CTNNA2: variants seen among roughly 807,000 people sequenced by gnomAD.
The protein encoded by CTNNA2 is catenin alpha 2, also known as catenin alpha-2.
CTNNA2 carries 42 observed loss-of-function variants against 101.0 expected under a neutral mutation model. The observed-to-expected ratio is 0.42, with a 90% confidence interval of 0.32 to 0.54. The LOEUF is 0.54. Among genes scored for constraint, CTNNA2 ranks in the 20% least tolerant of loss-of-function variants. CTNNA2 has a pLI of 0.14. For missense variants in CTNNA2, 871 were observed against 1,223.1 expected (o/e 0.71, Z 4.29); for synonymous variants, 450 against 456.4 (o/e 0.99, Z 0.18).
intron 3 of CTNNA2, among the ~76,000 whole-genome samples, chr2:79,830,785 G>T (rs149077898): frequency 1.3e-5 from 2 of 152,168 alleles, no homozygotes; most frequent in African/African-American, 4.8e-5. Flanking sequence ...AATGCAACCT[G>T]CCCAGGTTCA....
chr2:80,636,777 CTAGTAGAGCCACCTTGACTCTCTATT>C (rs1167424025), intron 18 of CTNNA2, among the ~76,000 whole-genome samples: 1 of 152,096 alleles, frequency 6.6e-6, no homozygotes, highest in African/African-American at 2.4e-5. Flanking sequence ...CCTACACCTT[CTAGTAGAGCCACCTTGACTCTCTATT>C]ATCAATATTC....
intron 1 of CTNNA2, among the ~76,000 whole-genome samples, chr2:79,602,738 A>C (rs771138801): frequency 9.9e-5 from 15 of 152,180 alleles, no homozygotes; most frequent in Non-Finnish European, 2.1e-4. Flanking sequence ...TAAACCTCTG[A>C]ATAGAGCTAG....
intron 7 of CTNNA2, among the ~76,000 whole-genome samples, chr2:80,078,298 A>G (rs1015678040): frequency 1.3e-5 from 2 of 152,068 alleles, no homozygotes; most frequent in African/African-American, 4.8e-5. Context: ...AGTGCAGGGG[A>G]CCATGGGTGT....
At chr2:80,258,937 T>C (rs1672384601) in intron 7 of CTNNA2, among the ~76,000 whole-genome samples, 1 of 152,102 alleles carries the variant, frequency 6.6e-6, no homozygotes, top group Admixed American at 6.6e-5. Flanking sequence ...TATGATTAAG[T>C]CTACTTCTAC....
chr2:80,531,641 C>A (rs1690552964), intron 9 of CTNNA2, among the ~76,000 whole-genome samples: 1 of 152,166 alleles, frequency 6.6e-6, no homozygotes, highest in African/African-American at 2.4e-5. Context: ...TGCTCCATGC[C>A]TATCTCCTCC....
chr2:79,901,908 T>C (rs1408258745), intron 6 of CTNNA2, among the ~76,000 whole-genome samples: 1 of 152,202 alleles, frequency 6.6e-6, no homozygotes, highest in Non-Finnish European at 1.5e-5. Flanking sequence ...TGAGTACAAT[T>C]AGATACAAAC....
chr2:80,521,463 T>C (rs181533751), intron 9 of CTNNA2, among the ~76,000 whole-genome samples: 9 of 152,256 alleles, frequency 5.9e-5, no homozygotes, highest in Non-Finnish European at 1.5e-5. Flanking sequence ...GGAATTAAGG[T>C]TGCAAATGGA....
chr2:79,857,694 C>A (rs1048028439), intron 3 of CTNNA2, among the ~76,000 whole-genome samples: 1 of 152,118 alleles, frequency 6.6e-6, no homozygotes. Flanking sequence ...AAGGCAAATG[C>A]AGAGAGAGGA....
chr2:80,333,625 TTC>T (rs1431401376), intron 7 of CTNNA2, among the ~76,000 whole-genome samples: 1 of 152,110 alleles, frequency 6.6e-6, no homozygotes, highest in Non-Finnish European at 1.5e-5. Context: ...CTTTTTTTTC[TTC>T]TTTTTTCTGG....
chr2:79,339,423 A>G (rs1677080052), intron 3 of CTNNA2, among the ~76,000 whole-genome samples: 1 of 152,228 alleles, frequency 6.6e-6, no homozygotes. Context: ...CCTGATATAC[A>G]TATTAAGGGA....
chr2:80,557,779 G>A (rs140597741), intron 12 of CTNNA2, among the ~76,000 whole-genome samples: 30 of 152,272 alleles, frequency 2.0e-4, no homozygotes, highest in African/African-American at 7.0e-4. Flanking sequence ...CAATTGCTTA[G>A]TTGATTGTAA....
At chr2:79,236,299 A>G (rs1250871841) in intron 2 of CTNNA2, among the ~76,000 whole-genome samples, 2 of 152,098 alleles carry the variant, frequency 1.3e-5, no homozygotes, top group African/African-American at 4.8e-5. Flanking sequence ...ATGTTTGACT[A>G]TTCTTTTTAA....
chr2:79,846,081 A>C (rs906220054), intron 3 of CTNNA2, among the ~76,000 whole-genome samples: 14 of 152,210 alleles, frequency 9.2e-5, no homozygotes, highest in Admixed American at 8.5e-4. Flanking sequence ...AGTGAGGAAA[A>C]TCAGTTTTCC....
intron 7 of CTNNA2, among the ~76,000 whole-genome samples, chr2:80,307,414 A>G (rs1275343627): frequency 6.6e-6 from 1 of 152,136 alleles, no homozygotes; most frequent in South Asian, 2.1e-4. Flanking sequence ...GCAAGTCGAT[A>G]TGGCTGTTTT....
intron 9 of CTNNA2, among the ~76,000 whole-genome samples, chr2:80,485,591 A>G (rs967238187): frequency 3.3e-5 from 5 of 152,218 alleles, no homozygotes; most frequent in Admixed American, 1.3e-4. Context: ...GACAAAATCC[A>G]TATGTGTTTC....
At chr2:79,802,722 C>A (rs1676265012) in intron 3 of CTNNA2, among the ~76,000 whole-genome samples, 1 of 152,238 alleles carries the variant, frequency 6.6e-6, no homozygotes, top group Non-Finnish European at 1.5e-5. Context: ...GCATGAAATG[C>A]AGATTGACTG....
chr2:79,378,412 G>T (rs1025077814), intron 4 of CTNNA2, among the ~76,000 whole-genome samples: 4 of 152,072 alleles, frequency 2.6e-5, no homozygotes, highest in Non-Finnish European at 5.9e-5. Context: ...CTCTAGTTTT[G>T]TTTATTTGTT....
intron 3 of CTNNA2, among the ~76,000 whole-genome samples, chr2:79,765,232 C>T (rs1055165984): frequency 4.6e-5 from 7 of 151,952 alleles, no homozygotes; most frequent in Non-Finnish European, 8.8e-5. Context: ...ATTTGTTGAC[C>T]GTGGTTGAAA....
chr2:79,983,326 G>A (rs887831040), intron 7 of CTNNA2, among the ~76,000 whole-genome samples: 21 of 151,650 alleles, frequency 1.4e-4, no homozygotes, highest in African/African-American at 4.4e-4. Flanking sequence ...CCCTGCTTGC[G>A]TGAAACTTAT....
Sources: allele counts gnomAD v4.1 joint callset (sites outside exome capture counted in the v4.1 genomes callset), GRCh38; gene constraint gnomAD v4.1.1; transcripts MANE v1.5; gene names NCBI Gene and HGNC (gene_info 2026-07-23, HGNC 2026-07-21).